Variants in SLC35F4 observed in about 807,000 individuals in gnomAD.
SLC35F4 encodes the protein chromosome 14 open reading frame 36.
A neutral mutation model predicts 44.2 loss-of-function variants in SLC35F4; 24 were observed. The ratio of observed to expected loss-of-function variants is 0.54; its 90% CI spans 0.39 to 0.76. SLC35F4 has a LOEUF of 0.76. Ranked by LOEUF, SLC35F4 falls within the 30% of genes least tolerant of loss-of-function variation. The probability of loss-of-function intolerance (pLI) is 0.00; values close to 1 mark genes in which losing one functional copy is unlikely to be tolerated. For missense variants in SLC35F4, 562 were observed against 586.1 expected, an observed-to-expected ratio of 0.96 and a Z score of 0.42; for synonymous variants, 238 against 223.6, an observed-to-expected ratio of 1.06 and a Z score of -0.57.
At chr14:57,666,097 C>T (rs1177627416) in intron 1 of SLC35F4, among the ~76,000 whole-genome samples, 3 of 152,270 alleles carry the variant, frequency 2.0e-5, no homozygotes, top group Non-Finnish European at 4.4e-5. Flanking sequence ...AACAAACCAG[C>T]AGCGTACCCC....
chr14:57,915,013 C>T (rs957389464), intron 1 of SLC35F4, among the ~76,000 whole-genome samples: 2 of 152,194 alleles, frequency 1.3e-5, no homozygotes, highest in Non-Finnish European at 2.9e-5. Context: ...GTGGAGGAAA[C>T]CATGCCCCCA....
At chr14:57,901,737 A>G (rs140271121) in intron 1 of SLC35F4, among the ~76,000 whole-genome samples, 24 of 152,358 alleles carry the variant, frequency 1.6e-4, no homozygotes, top group African/African-American at 5.8e-4. Context: ...TTGCGAATAT[A>G]TGTAGAGTGC....
At chr14:57,588,836 A>G (rs2069965711) in intron 3 of SLC35F4, among the ~76,000 whole-genome samples, 1 of 152,204 alleles carries the variant, frequency 6.6e-6, no homozygotes, top group African/African-American at 2.4e-5. Flanking sequence ...CTTATAAAAC[A>G]CGACTTTCAG....
intron 1 of SLC35F4, among the ~76,000 whole-genome samples, chr14:57,660,827 G>A (rs891679175): frequency 1.3e-5 from 2 of 152,080 alleles, no homozygotes; most frequent in Admixed American, 1.3e-4. Flanking sequence ...CATTTTGACT[G>A]CAATCTCATA....
At chr14:57,707,098 A>G (rs1014709405) in intron 1 of SLC35F4, among the ~76,000 whole-genome samples, 1 of 152,202 alleles carries the variant, frequency 6.6e-6, no homozygotes, top group East Asian at 1.9e-4. Context: ...AAGAATCAGT[A>G]AAACTTTGAA....
chr14:57,903,990 G>T (rs1051852696), intron 1 of SLC35F4, among the ~76,000 whole-genome samples: 1 of 152,268 alleles, frequency 6.6e-6, no homozygotes, highest in East Asian at 1.9e-4. Flanking sequence ...GAATATTCTT[G>T]CAAAGAAAAG....
chr14:57,750,232 T>C (rs954178967), intron 1 of SLC35F4, among the ~76,000 whole-genome samples: 1 of 152,194 alleles, frequency 6.6e-6, no homozygotes, highest in Non-Finnish European at 1.5e-5. Context: ...TTCTTTTTTT[T>C]AGTCTGAATA....
chr14:57,607,074 C>T (rs901914820), intron 1 of SLC35F4, among the ~76,000 whole-genome samples: 4 of 152,118 alleles, frequency 2.6e-5, no homozygotes, highest in African/African-American at 7.2e-5. Flanking sequence ...TGCTAAATGC[C>T]GAGTGGGTGG....
intron 1 of SLC35F4, among the ~76,000 whole-genome samples, chr14:57,666,530 A>G (rs967694103): frequency 6.6e-6 from 1 of 152,140 alleles, no homozygotes; most frequent in Non-Finnish European, 1.5e-5. Flanking sequence ...GCTTCATTGC[A>G]GTCTTGGGAA....
chr14:57,854,205 G>A (rs993860056), intron 1 of SLC35F4, among the ~76,000 whole-genome samples: 4 of 152,052 alleles, frequency 2.6e-5, no homozygotes, highest in African/African-American at 9.7e-5. Flanking sequence ...GTATGCCTTA[G>A]GAAAACTGGA....
chr14:57,827,131 G>A (rs1232701367), intron 1 of SLC35F4, among the ~76,000 whole-genome samples: 1 of 152,088 alleles, frequency 6.6e-6, no homozygotes, highest in African/African-American at 2.4e-5. Flanking sequence ...ATAATAGACT[G>A]GATAAAGAAA....
intron 1 of SLC35F4, among the ~76,000 whole-genome samples, chr14:57,841,042 T>A (rs1885435030): frequency 6.6e-6 from 1 of 152,212 alleles, no homozygotes; most frequent in African/African-American, 2.4e-5. Context: ...CTTATCCCCA[T>A]GGAGCTCATC....
intron 3 of SLC35F4, among the ~76,000 whole-genome samples, chr14:57,586,097 C>G (rs11844268): frequency 0.012 from 1,819 of 152,228 alleles, 35 homozygotes; most frequent in African/African-American, 0.042. Context: ...GCTACAGTAA[C>G]CAAAACAGCA....
intron 1 of SLC35F4, among the ~76,000 whole-genome samples, chr14:57,880,838 C>T (rs1459537283): frequency 6.6e-6 from 1 of 151,950 alleles, no homozygotes; most frequent in Admixed American, 6.6e-5. Context: ...GCAGACTCCT[C>T]GAAGAGGAAC....
chr14:57,914,109 C>T (rs1342686052), intron 1 of SLC35F4, among the ~76,000 whole-genome samples: 1 of 152,136 alleles, frequency 6.6e-6, no homozygotes, highest in East Asian at 1.9e-4. Context: ...TGAGAGAATA[C>T]CACCAGTGGG....
chr14:57,586,980 C>A (rs893643304), intron 3 of SLC35F4, among the ~76,000 whole-genome samples: 3 of 52,598 alleles, frequency 5.7e-5, no homozygotes, highest in Admixed American at 3.2e-4. Context: ...ACAAACACTT[C>A]TCAAAAGAAG....
At chr14:57,872,627 A>G (rs1452948559) in intron 1 of SLC35F4, among the ~76,000 whole-genome samples, 2 of 152,142 alleles carry the variant, frequency 1.3e-5, no homozygotes, top group African/African-American at 4.8e-5. Context: ...TCAAGCACGT[A>G]CAACCTGAAA....
intron 1 of SLC35F4, among the ~76,000 whole-genome samples, chr14:57,926,630 C>T (rs900088993): frequency 2.0e-5 from 3 of 150,676 alleles, no homozygotes; most frequent in Non-Finnish European, 2.9e-5. Context: ...ATGAGAAAAT[C>T]CCTAATAAAC....
At chr14:57,749,401 T>C (rs1331868007) in intron 1 of SLC35F4, among the ~76,000 whole-genome samples, 1 of 152,090 alleles carries the variant, frequency 6.6e-6, no homozygotes, top group Non-Finnish European at 1.5e-5. Context: ...TCAGCGGATT[T>C]GTCTCATTAA....
Sources: allele counts gnomAD v4.1 joint callset (sites outside exome capture counted in the v4.1 genomes callset), GRCh38; gene constraint gnomAD v4.1.1; transcripts MANE v1.5; gene names NCBI Gene and HGNC (gene_info 2026-07-23, HGNC 2026-07-21).